SEBOX: variants seen among roughly 807,000 people sequenced by gnomAD.
SEBOX encodes homeobox protein SEBOX.
SEBOX carries 10 observed loss-of-function variants against 7.8 expected under a neutral mutation model. The observed-to-expected ratio is 1.28, with a 90% CI of 0.79 to 2.17. The LOEUF (loss-of-function observed/expected upper bound fraction) is 2.17. SEBOX is among the 30% of genes most tolerant of loss of function. SEBOX has a pLI of 0.00. For missense variants in SEBOX, 240 were observed against 239.5 expected (o/e 1.00, Z -0.01); for synonymous variants, 98 against 91.5 (o/e 1.07, Z -0.40).
intron 2 of SEBOX, 54 bp from the exon 3 acceptor site, chr17:28,364,702 G>A (rs2067894063): frequency 2.0e-5 from 31 of 1,581,162 alleles, no homozygotes; most frequent in East Asian, 4.5e-5. Context: ...CTCCACCCAG[G>A]GACAGGGGAA....
In SEBOX at chr17:28,365,161, A is replaced by C. The variant is rs2067900445; in HGVS notation, c.-10T>G. On this transcript the variant is annotated 5_prime_UTR_variant, in exon 1 of 3. Coordinates refer to ENST00000536498, the MANE Select transcript of SEBOX (RefSeq NM_001080837.4). ...CCACAGGGCTGGGCATGGAGCTGGC[A>C]AAGGGTAAGGTGCCAGAGGGCCGTG... 1.2e-6 allele frequency: 2 copies of C among 1,611,388 alleles called. No individual in the cohort carries two copies. Among genetic ancestry groups the C allele is most frequent in the Non-Finnish European group, 1.7e-6 (2 of 1,178,878 alleles).
At position 28,364,175 on chromosome 17, in the gene SEBOX, GC is replaced by G. The variant is rs2067888504; in HGVS notation, c.*92del. On this transcript the variant is annotated 3_prime_UTR_variant, in exon 3 of 3. Coordinates refer to ENST00000536498, the MANE Select transcript of SEBOX (RefSeq NM_001080837.4). The stretch of plus-strand genomic sequence containing the variant: ...GGAATCCCTTTGCATAAAAAGTGGG[GC>G]CAGGGAATCCACTTCTGATGTGTTC... 13 of 1,231,580 alleles carry G rather than the reference GC, an allele frequency of 1.1e-5. No homozygotes were observed. The South Asian group carries it at 2.0e-4, about 19-fold the overall frequency. 76.3% of individuals were successfully genotyped at this position (1,231,580 alleles called of 1,614,324 possible). A position where few individuals can be genotyped will look rare whatever the true frequency, so the allele number is the denominator to read the frequency against.
chr17:28,364,925 C>G lies in SEBOX; in HGVS notation c.62G>C (p.Arg21Thr), dbSNP rs1313174135. 60 of 1,613,116 alleles carry G rather than the reference C, an allele frequency of 3.7e-5. No homozygotes were observed. Among genetic ancestry groups the G allele is most frequent in the Non-Finnish European group, 5.1e-5 (60 of 1,179,650 alleles). Reference protein sequence around the residue: ...DGGSGLGSHRRKRTTFSKGQL... With the variant: ...DGGSGLGSHRTKRTTFSKGQL... ...CCCTTTGCTGAAGGTGGTCCGCTTT[C>G]TCCGGTGGGAACCCAACCCGCTGCC... The change falls in exon 2 of 3, where the codon AGA (arginine) becomes ACA (threonine). Residue 21 changes from arginine (R) to threonine (T), a missense_variant. By Grantham distance (71) the Arg-to-Thr change is moderately conservative. Transcript: ENST00000536498.
chr17:28,365,175 C>G lies in SEBOX; in HGVS notation c.-24G>C. 1 of 1,611,748 alleles carries G rather than the reference C, an allele frequency of 6.2e-7. No individual in the cohort carries two copies. Among genetic ancestry groups the G allele is most frequent in the Non-Finnish European group, 8.5e-7 (1 of 1,179,048 alleles). ...ATGGAGCTGGCAAAGGGTAAGGTGC[C>G]AGAGGGCCGTGCCAGAGGGCCATGC... On this transcript the variant is annotated 5_prime_UTR_variant, in exon 1 of 3. Transcript: ENST00000536498.
chr17:28,364,485 G>A lies in SEBOX; in HGVS notation c.356C>T (p.Pro119Leu). Reference protein sequence around the residue: ...PGQPPPSSGTPQRTSVCRHSS... With the variant: ...PGQPPPSSGTLQRTSVCRHSS... ...ATGTCGACACACTGAGGTGCGCTGAGGTGTGCCGCTGGAGGGTGGAGGTTG... is the reference window on the plus strand; with the variant it reads ...ATGTCGACACACTGAGGTGCGCTGAAGTGTGCCGCTGGAGGGTGGAGGTTG... Residue 119 changes from proline (P) to leucine (L), a missense_variant, in exon 3 of 3, where the codon CCT becomes CTT. Transcript: ENST00000536498. 1 of 1,609,776 alleles carries A rather than the reference G, an allele frequency of 6.2e-7. No homozygotes were observed. Among genetic ancestry groups the A allele is most frequent in the Non-Finnish European group, 8.5e-7 (1 of 1,177,158 alleles).
rs2067900511 is a variant in SEBOX, at chr17:28,365,167, T to G, written c.-16A>C. On this transcript the variant is annotated 5_prime_UTR_variant, in exon 1 of 3. Transcript: ENST00000536498. ...GGCTGGGCATGGAGCTGGCAAAGGG[T>G]AAGGTGCCAGAGGGCCGTGCCAGAG... 6 of 1,611,272 alleles carry G rather than the reference T, an allele frequency of 3.7e-6. No homozygotes were observed. The highest frequency in any genetic ancestry group is 5.1e-6 in the Non-Finnish European group (6 of 1,178,888).
chr17:28,364,856 G>C lies in SEBOX; in HGVS notation c.131C>G (p.Pro44Arg), dbSNP rs1320050466. ...LERAFAAWPYPNISTHEHLAW... is the reference protein window; with the variant it reads ...LERAFAAWPYRNISTHEHLAW... ...CAGGTGCTCATGGGTGCTGATGTTGGGGTAGGGCCATGCTGCAAACGCCCT... is the reference window on the plus strand; with the variant it reads ...CAGGTGCTCATGGGTGCTGATGTTGCGGTAGGGCCATGCTGCAAACGCCCT... The change falls in exon 2 of 3, where the codon CCC becomes CGC. Residue 44 changes from proline (P) to arginine (R), a missense_variant. By Grantham distance (103) the Pro-to-Arg change is moderately radical. Coordinates refer to ENST00000536498, the MANE Select transcript of SEBOX (RefSeq NM_001080837.4). The C allele has an allele frequency of 1.7e-5, 27 of 1,613,794 alleles. No homozygotes were observed. The highest frequency in any genetic ancestry group is 2.0e-5 in the Non-Finnish European group (24 of 1,179,868).
Position 28,364,965 on chromosome 17 carries a change from A to C in SEBOX, c.32-10T>G. 1 of 1,606,832 alleles carries C rather than the reference A, an allele frequency of 6.2e-7. No individual in the cohort carries two copies. The highest frequency in any genetic ancestry group is 8.5e-7 in the Non-Finnish European group (1 of 1,177,090). ...AACCCGCTGCCACCGTCTGCAGGCC[A>C]TGGTGGGGGTCAAGCTGGGACTCCC... On this transcript the variant is annotated splice_polypyrimidine_tract_variant and intron_variant, in intron 1 of 2. Coordinates refer to ENST00000536498, the MANE Select transcript of SEBOX (RefSeq NM_001080837.4).
chr17:28,364,333 A>C lies in SEBOX; in HGVS notation c.508T>G (p.Ser170Ala), dbSNP rs782196959. The change falls in exon 3 of 3, where the codon TCA becomes GCA. Residue 170 changes from serine (S) to alanine (A), a missense_variant. Ser to Ala is a moderately conservative substitution (Grantham distance 99). Transcript: ENST00000536498. ...PSLERATPQT[S>A]LGSLSDLIYA... is the part of the protein sequence containing the mutation. ...ATGAGGTCAGACAGGCTGCCTAGTG[A>C]AGTCTGGGGAGTAGCTCGCTCTAAA... The C allele has an allele frequency of 5.0e-6, 8 of 1,602,816 alleles. No homozygotes were observed. Among genetic ancestry groups the C allele is most frequent in the Non-Finnish European group, 6.8e-6 (8 of 1,174,738 alleles).
chr17:28,365,165 G>T lies in SEBOX; in HGVS notation c.-14C>A, dbSNP rs782818047. ...AGGGCTGGGCATGGAGCTGGCAAAG[G>T]GTAAGGTGCCAGAGGGCCGTGCCAG... On this transcript the variant is annotated 5_prime_UTR_variant, in exon 1 of 3. Coordinates refer to ENST00000536498, the MANE Select transcript of SEBOX (RefSeq NM_001080837.4). 16 of 1,611,476 alleles carry T rather than the reference G, an allele frequency of 9.9e-6. No homozygotes were observed. The South Asian group carries it at 1.7e-4, about 17-fold the overall frequency.
At position 28,364,146 on chromosome 17, in the gene SEBOX, G is replaced by T; in HGVS notation, c.*122C>A. ...GATGCCTGAGCTAAACTCCTTTCCC[G>T]TAGGGAATCCCTTTGCATAAAAAGT... On this transcript the variant is annotated 3_prime_UTR_variant, in exon 3 of 3. Transcript: ENST00000536498. The T allele has an allele frequency of 1.0e-6, 1 of 1,003,302 alleles. No homozygotes were observed. The highest frequency in any genetic ancestry group is 1.4e-6 in the Non-Finnish European group (1 of 701,704). The allele number at this position is 1,003,302 out of a possible 1,614,324, so 62.1% of individuals were successfully genotyped here.
Position 28,364,220 on chromosome 17 carries a change from G to T in SEBOX, c.*48C>A, listed in dbSNP as rs782019625. The T allele has an allele frequency of 1.3e-6, 2 of 1,548,568 alleles. No individual in the cohort carries two copies. The highest frequency in any genetic ancestry group is 1.8e-6 in the Non-Finnish European group (2 of 1,142,146). ...TGTGTTCAATCCCAGGAGGGGCAGGGTGGGCCACAGGAGTCAGAGGAGGGG... is the reference window on the plus strand; with the variant it reads ...TGTGTTCAATCCCAGGAGGGGCAGGTTGGGCCACAGGAGTCAGAGGAGGGG... On this transcript the variant is annotated 3_prime_UTR_variant, in exon 3 of 3. Coordinates refer to ENST00000536498, the MANE Select transcript of SEBOX (RefSeq NM_001080837.4).
Position 28,364,948 on chromosome 17 carries a change from GCCA to G in SEBOX, c.36_38del (p.Gly13del), listed in dbSNP as rs2142411650. 6.2e-7 allele frequency: 1 copy of G among 1,609,854 alleles called. No homozygotes were observed. Among genetic ancestry groups the G allele is most frequent in the South Asian group, 1.1e-5 (1 of 90,372 alleles). On this transcript the variant is annotated inframe_deletion, in exon 2 of 3. Transcript: ENST00000536498. ...TTCTCCGGTGGGAACCCAACCCGCT[GCCA>G]CCGTCTGCAGGCCATGGTGGGGGTC...
In SEBOX at chr17:28,364,240, G is replaced by A; in HGVS notation, c.*28C>T. On this transcript the variant is annotated 3_prime_UTR_variant, in exon 3 of 3. Transcript: ENST00000536498. ...GCAGGGTGGGCCACAGGAGTCAGAG[G>A]AGGGGCCTTGCAAGTTCTGGACAAA... is the stretch of plus-strand genomic sequence containing the variant. The A allele has an allele frequency of 6.3e-7, 1 of 1,581,636 alleles. No individual in the cohort carries two copies. The highest frequency in any genetic ancestry group is 1.7e-5 in the Admixed American group (1 of 57,854).
rs781994870 is a variant in SEBOX, at chr17:28,364,243, G to A, written c.*25C>T. 13 of 1,583,592 alleles carry A rather than the reference G, an allele frequency of 8.2e-6. No individual in the cohort carries two copies. Among genetic ancestry groups the A allele is most frequent in the Non-Finnish European group, 1.1e-5 (13 of 1,161,888 alleles). ...GGGTGGGCCACAGGAGTCAGAGGAG[G>A]GGCCTTGCAAGTTCTGGACAAAGAC... On this transcript the variant is annotated 3_prime_UTR_variant, in exon 3 of 3. Transcript: ENST00000536498.
In SEBOX at chr17:28,364,970, G is replaced by A; in HGVS notation, c.32-15C>T. 1 of 1,605,134 alleles carries A rather than the reference G, an allele frequency of 6.2e-7. No homozygotes were observed. The highest frequency in any genetic ancestry group is 2.2e-5 in the East Asian group (1 of 44,496). ...GCTGCCACCGTCTGCAGGCCATGGT[G>A]GGGGTCAAGCTGGGACTCCCTGCAA... On this transcript the variant is annotated splice_polypyrimidine_tract_variant and intron_variant, in intron 1 of 2. Transcript: ENST00000536498.
rs782103897 is a variant in SEBOX, at chr17:28,364,468, ACACTGAGGTG to A, written c.363_372del (p.Thr122ValfsTer11). 1,719 of 1,608,134 alleles carry A rather than the reference ACACTGAGGTG, an allele frequency of 1.1e-3. 1 individual carries two copies. The highest frequency in any genetic ancestry group is 1.4e-3 in the Non-Finnish European group (1,611 of 1,176,798). ...GGAGCTGGACAGGAGCTATGTCGAC[ACACTGAGGTG>A]CGCTGAGGTGTGCCGCTGGAGGGTG... On this transcript the variant is annotated frameshift_variant, in exon 3 of 3. Transcript: ENST00000536498. LOFTEE classifies it low-confidence loss of function (END_TRUNC).
At position 28,364,165 on chromosome 17, in the gene SEBOX, A is replaced by G; in HGVS notation, c.*103T>C. The G allele has an allele frequency of 8.6e-7, 1 of 1,167,540 alleles. No individual in the cohort carries two copies. The highest frequency in any genetic ancestry group is 2.7e-5 in the Admixed American group (1 of 36,810). The allele number at this position is 1,167,540 out of a possible 1,614,324, so 72.3% of individuals were successfully genotyped here. A position where few individuals can be genotyped will look rare whatever the true frequency, so the allele number is the denominator to read the frequency against. On this transcript the variant is annotated 3_prime_UTR_variant, in exon 3 of 3. Coordinates refer to ENST00000536498, the MANE Select transcript of SEBOX (RefSeq NM_001080837.4). Reference sequence around the variant, plus strand: ...TTTCCCGTAGGGAATCCCTTTGCATAAAAAGTGGGGCCAGGGAATCCACTT... The same window carrying G: ...TTTCCCGTAGGGAATCCCTTTGCATGAAAAGTGGGGCCAGGGAATCCACTT...
Position 28,364,220 on chromosome 17 carries a change from GTGGGCC to G in SEBOX, c.*42_*47del. ...TGTGTTCAATCCCAGGAGGGGCAGG[GTGGGCC>G]ACAGGAGTCAGAGGAGGGGCCTTGC... is the stretch of plus-strand genomic sequence containing the variant. On this transcript the variant is annotated 3_prime_UTR_variant, in exon 3 of 3. Transcript: ENST00000536498. 2 of 1,548,568 alleles carry G rather than the reference GTGGGCC, an allele frequency of 1.3e-6. No homozygotes were observed.
Sources: gnomAD v4.1 joint callset for allele counts on GRCh38, gnomAD v4.1.1 for gene constraint, MANE v1.5 for transcripts, NCBI Gene and HGNC (gene_info 2026-07-23, HGNC 2026-07-21) for gene names.